SLC75A1: variants seen among roughly 807,000 people sequenced by gnomAD.
SLC75A1 encodes major facilitator superfamily domain containing 10.
At chr4:2,932,795 G>C in the SLC75A1 span, 2 of 1,530,728 alleles carry the variant, frequency 1.3e-6, no homozygotes, top group South Asian at 1.3e-5. Context: ...AGGGGCGGTC[G>C]CTTAAGGCCA....
the SLC75A1 span, chr4:2,933,977 G>A: frequency 6.6e-7 from 1 of 1,516,970 alleles, no homozygotes; most frequent in Non-Finnish European, 8.9e-7. Context: ...GGTTAGCGGG[G>A]AAGCCGAGTC....
the SLC75A1 span, chr4:2,932,121 C>G: frequency 1.2e-5 from 20 of 1,609,774 alleles, no homozygotes; most frequent in East Asian, 4.2e-4. Context: ...GCAGATCAGC[C>G]GCATCACGGA....
At chr4:2,933,819 G>T in the SLC75A1 span, 1 of 1,590,624 alleles carries the variant, frequency 6.3e-7, no homozygotes, top group South Asian at 1.1e-5. Context: ...AGGCCAGGAG[G>T]TCCAGCAGGA....
the SLC75A1 span, chr4:2,933,489 G>T: frequency 6.8e-7 from 1 of 1,474,674 alleles, no homozygotes; most frequent in South Asian, 1.1e-5. Context: ...CCGAGAATTG[G>T]GGAGGGGCCT....
the SLC75A1 span, chr4:2,932,125 T>A: frequency 6.2e-7 from 1 of 1,609,130 alleles, no homozygotes; most frequent in Non-Finnish European, 8.5e-7. Flanking sequence ...ATCAGCCGCA[T>A]CACGGAACCC....
chr4:2,931,619 G>A, the SLC75A1 span: 3 of 1,613,648 alleles, frequency 1.9e-6, no homozygotes, highest in South Asian at 3.3e-5. Context: ...CTGGATGGTG[G>A]CCATGGTGAG....
At chr4:2,934,331 G>GCCCGCGC in the SLC75A1 span, 1 of 221,116 alleles carries the variant, frequency 4.5e-6, no homozygotes, top group African/African-American at 2.4e-5. Flanking sequence ...CCCAGCCCCG[G>GCCCGCGC]CCCGCGCCCC....
chr4:2,933,866 G>C, the SLC75A1 span: 1 of 1,584,246 alleles, frequency 6.3e-7, no homozygotes, highest in South Asian at 1.1e-5. Flanking sequence ...CGGCGCTCCG[G>C]CGGCTGCTGG....
At chr4:2,933,491 G>A in the SLC75A1 span, 1 of 1,485,138 alleles carries the variant, frequency 6.7e-7, no homozygotes, top group East Asian at 2.3e-5. Flanking sequence ...GAGAATTGGG[G>A]AGGGGCCTGG....
the SLC75A1 span, chr4:2,930,752 CG>C: frequency 6.9e-7 from 1 of 1,452,116 alleles, no homozygotes; most frequent in Non-Finnish European, 9.3e-7. Flanking sequence ...CCTGGACTGG[CG>C]GGGGGTGGGG....
chr4:2,931,934 G>A, the SLC75A1 span: 1 of 1,607,328 alleles, frequency 6.2e-7, no homozygotes, highest in Non-Finnish European at 8.5e-7. Flanking sequence ...AGGCTGCTGA[G>A]CCCTGGGGAG....
At chr4:2,932,005 G>C in the SLC75A1 span, 1 of 1,606,160 alleles carries the variant, frequency 6.2e-7, no homozygotes, top group East Asian at 2.2e-5. Flanking sequence ...GGAAGCCCAG[G>C]GGAGAGCAGG....
At chr4:2,931,694 C>CGGGGCAGGGCCACCCAGGGCA in the SLC75A1 span, 2 of 1,594,334 alleles carry the variant, frequency 1.3e-6, no homozygotes, top group African/African-American at 1.3e-5. Context: ...GCAGGGCACC[C>CGGGGCAGGGCCACCCAGGGCA]GGGGCAGGGC....
chr4:2,930,613 G>A, the SLC75A1 span: 3 of 591,606 alleles, frequency 5.1e-6, no homozygotes, highest in Non-Finnish European at 9.0e-6. Context: ...CTGGTGCATA[G>A]TTTAAAAAAC....
At chr4:2,932,820 T>G in the SLC75A1 span, 9 of 1,513,862 alleles carry the variant, frequency 5.9e-6, no homozygotes, top group African/African-American at 9.8e-5. Context: ...TGGCTCAGAG[T>G]AGGGCTTGGC....
chr4:2,934,004 AC>A, the SLC75A1 span: 10 of 1,421,822 alleles, frequency 7.0e-6, no homozygotes, highest in Admixed American at 1.7e-4. Flanking sequence ...GGCCTGGCAT[AC>A]CCCCACACCC....
the SLC75A1 span, chr4:2,934,122 G>A: frequency 1.4e-5 from 9 of 624,688 alleles, no homozygotes; most frequent in South Asian, 9.9e-5. Flanking sequence ...CAGGCAGCAG[G>A]AAACGCAGGC....
chr4:2,930,692 G>T, the SLC75A1 span: 1 of 796,340 alleles, frequency 1.3e-6, no homozygotes, highest in Non-Finnish European at 2.0e-6. Context: ...AAGTCTGGAG[G>T]AGCTGCCTGA....
chr4:2,930,662 G>GAGTC, the SLC75A1 span: 1 of 645,244 alleles, frequency 1.5e-6, no homozygotes, highest in South Asian at 2.0e-5. Context: ...CTGCAGCTCG[G>GAGTC]AGTCACTGAA....
Sources: gnomAD v4.1 joint callset for allele counts on GRCh38, gnomAD v4.1.1 for gene constraint, MANE v1.5 for transcripts, NCBI Gene and HGNC (gene_info 2026-07-23, HGNC 2026-07-21) for gene names.